The following FYCO1 variants were observed in gnomAD, a reference collection of about 807,000 sequenced individuals.
FYCO1 encodes FYVE and coiled-coil domain-containing protein 1.
A neutral mutation model predicts 165.1 loss-of-function variants in FYCO1; 122 were observed. The observed-to-expected ratio is 0.74, with a 90% CI of 0.64 to 0.86. The LOEUF is 0.86. Among genes scored for constraint, FYCO1 ranks in the 40% least tolerant of loss-of-function variants. The probability of loss-of-function intolerance (pLI) is 0.00; values close to 1 mark genes in which losing one functional copy is unlikely to be tolerated. For missense variants in FYCO1, 1,702 were observed against 1,810.3 expected, an observed-to-expected ratio of 0.94 and a Z score of 1.09; for synonymous variants, 648 against 742.5, an observed-to-expected ratio of 0.87 and a Z score of 2.07.
intron 14 of FYCO1, among the ~76,000 whole-genome samples, chr3:45,944,216 GTA>G (rs57390542): frequency 9.3e-5 from 13 of 140,400 alleles, no homozygotes; most frequent in African/African-American, 3.8e-4. Flanking sequence ...GTGTGTGTGT[GTA>G]TATATATATA....
chr3:45,955,790 T>C (rs1161896449), intron 13 of FYCO1, among the ~76,000 whole-genome samples: 1 of 152,226 alleles, frequency 6.6e-6, no homozygotes, highest in Admixed American at 6.5e-5. Flanking sequence ...CAGGCAGTAC[T>C]TATTCATGTA....
At chr3:45,952,623 T>A (rs1705096536) in intron 14 of FYCO1, among the ~76,000 whole-genome samples, 1 of 152,212 alleles carries the variant, frequency 6.6e-6, no homozygotes, top group East Asian at 1.9e-4. Context: ...GAACAGTTCC[T>A]GATTTCCCAA....
intron 11 of FYCO1, among the ~76,000 whole-genome samples, chr3:45,960,866 T>C (rs1705664986): frequency 6.6e-6 from 1 of 152,102 alleles, no homozygotes; most frequent in Non-Finnish European, 1.5e-5. Context: ...CAGCTCTGGC[T>C]CACTGGTGTC....
rs1352447606 is a variant in FYCO1 at position 45,967,125 on chromosome 3, A to G, written c.2209T>C (p.Cys737Arg). The G allele has an allele frequency of 1.9e-6, 3 of 1,613,808 alleles. No homozygotes were observed. Among genetic ancestry groups the G allele is most frequent in the Non-Finnish European group, 2.5e-6 (3 of 1,179,864 alleles). The change falls in exon 8 of 18, where the codon TGC (cysteine) becomes CGC (arginine). Residue 737 changes from cysteine (C) to arginine (R), a missense_variant. Transcript: ENST00000296137. ...HRELRALESQ[C>R]QQQTQLIEVL... ...TCAATCAGCTGGGTCTGCTGCTGGC[A>G]CTGGCTCTCGAGAGCCCTAAGCTCT...
At chr3:45,938,968 C>T (rs756709237) in intron 14 of FYCO1, among the ~76,000 whole-genome samples, 3 of 152,230 alleles carry the variant, frequency 2.0e-5, no homozygotes, top group Non-Finnish European at 4.4e-5. Context: ...GGCACCCCAC[C>T]TCCTACTACA....
chr3:45,977,488 T>C (rs1395101740), intron 4 of FYCO1, among the ~76,000 whole-genome samples: 1 of 150,578 alleles, frequency 6.6e-6, no homozygotes, highest in Non-Finnish European at 1.5e-5. Flanking sequence ...AAATGCTGCA[T>C]GGCCTTTTTA....
chr3:45,951,954 G>T (rs1308599200), intron 14 of FYCO1, among the ~76,000 whole-genome samples: 1 of 152,198 alleles, frequency 6.6e-6, no homozygotes, highest in African/African-American at 2.4e-5. Context: ...GGGGAGATGG[G>T]CAAAATGCGG....
chr3:45,954,011 G>T (rs555588506), intron 14 of FYCO1, among the ~76,000 whole-genome samples: 1 of 152,278 alleles, frequency 6.6e-6, no homozygotes, highest in Non-Finnish European at 1.5e-5. Context: ...CATGGACAAA[G>T]CCAATCCAAT....
chr3:45,981,576 G>A lies in FYCO1; in HGVS notation c.156C>T (p.Leu52=). 6.3e-7 allele frequency: 1 copy of A among 1,592,800 alleles called. No homozygotes were observed. The highest frequency in any genetic ancestry group is 2.2e-5 in the East Asian group (1 of 44,758). ...LHKFSYKLEY[L]LQFDQKEKAT... ...CATTACAGGCATCACTTACTTGCAGGAGATACTCAAGTTTATAAGAAAATT... is the reference window on the plus strand; with the variant it reads ...CATTACAGGCATCACTTACTTGCAGAAGATACTCAAGTTTATAAGAAAATT... The change falls in exon 3 of 18, where the codon CTC becomes CTT. Residue 52 remains leucine (L), a synonymous_variant. Transcript: ENST00000296137.
intron 16 of FYCO1, among the ~76,000 whole-genome samples, chr3:45,926,551 T>G (rs2373087): frequency 0.089 from 13,544 of 152,254 alleles, 1,009 homozygotes; most frequent in South Asian, 0.35. Flanking sequence ...AATTCACAAT[T>G]ATAGTTGGAG....
chr3:45,954,320 G>C (rs1705195365), intron 14 of FYCO1, among the ~76,000 whole-genome samples: 1 of 152,126 alleles, frequency 6.6e-6, no homozygotes, highest in South Asian at 2.1e-4. Flanking sequence ...GTCCAGGGAA[G>C]CCAAAAGACT....
At chr3:45,951,047 A>C (rs543893055) in intron 14 of FYCO1, among the ~76,000 whole-genome samples, 12 of 152,272 alleles carry the variant, frequency 7.9e-5, no homozygotes, top group Admixed American at 3.9e-4. Context: ...GGGTTCAGGG[A>C]ATGTTTCTGT....
At chr3:45,979,466 T>C (rs1706936520) in intron 4 of FYCO1, among the ~76,000 whole-genome samples, 1 of 152,214 alleles carries the variant, frequency 6.6e-6, no homozygotes, top group Non-Finnish European at 1.5e-5. Flanking sequence ...AACATGCGGG[T>C]TGTGGCCTAA....
At chr3:45,970,777 A>G (rs549606214) in intron 6 of FYCO1, among the ~76,000 whole-genome samples, 72 of 152,348 alleles carry the variant, frequency 4.7e-4, no homozygotes, top group African/African-American at 1.7e-3. Context: ...ATGTATAAAC[A>G]GATACAAAAT....
At chr3:45,943,897 C>T (rs2125817660) in intron 14 of FYCO1, among the ~76,000 whole-genome samples, 2 of 152,236 alleles carry the variant, frequency 1.3e-5, no homozygotes, top group South Asian at 4.1e-4. Context: ...ATAAGACAGG[C>T]TGTTTTATCA....
chr3:45,964,502 G>T lies in FYCO1; in HGVS notation c.3151-48C>A. 6.2e-7 allele frequency: 1 copy of T among 1,610,938 alleles called. No homozygotes were observed. The highest frequency in any genetic ancestry group is 8.5e-7 in the Non-Finnish European group (1 of 1,178,754). On this transcript the variant is annotated intron_variant, in intron 9 of 17. Coordinates refer to ENST00000296137, the MANE Select transcript of FYCO1 (RefSeq NM_024513.4). This position sits in a 1 kb window ranked among gnomAD's most constrained non-coding sequence, Gnocchi z 4.1. ...AGACACTCAGCTTGCAGAAGGCCAT[G>T]CAACGTACCATAAAGTGGCTGGTGT...
At chr3:45,942,180 A>G (rs1704270268) in intron 14 of FYCO1, among the ~76,000 whole-genome samples, 1 of 152,238 alleles carries the variant, frequency 6.6e-6, no homozygotes, top group African/African-American at 2.4e-5. Flanking sequence ...GCACAGCTCC[A>G]TACTCAGAGC....
At chr3:45,973,996 G>A (rs1706587387) in intron 5 of FYCO1, among the ~76,000 whole-genome samples, 1 of 152,184 alleles carries the variant, frequency 6.6e-6, no homozygotes. Context: ...AGGAGGTAGA[G>A]GCCACAGTAA....
intron 14 of FYCO1, among the ~76,000 whole-genome samples, chr3:45,954,678 G>T (rs1705214704): frequency 6.6e-6 from 1 of 152,216 alleles, no homozygotes; most frequent in Admixed American, 6.5e-5. Context: ...TGGAGATGAG[G>T]CCTGTAGAGG....
Sources: allele counts gnomAD v4.1 joint callset (sites outside exome capture counted in the v4.1 genomes callset), GRCh38; gene constraint gnomAD v4.1.1; non-coding constraint Gnocchi (gnomAD v3.1); transcripts MANE v1.5; gene names NCBI Gene and HGNC (gene_info 2026-07-23, HGNC 2026-07-21).